SV2C: variants seen among roughly 807,000 people sequenced by gnomAD.
SV2C encodes solute carrier family 22 member B3.
In SV2C, 49 loss-of-function variants were observed where a neutral mutation model predicts 79.7. The observed-to-expected ratio is 0.61, with a 90% CI of 0.49 to 0.78. The LOEUF (loss-of-function observed/expected upper bound fraction) is 0.78, where lower values mean the gene tolerates loss of function less well. SV2C is among the 30% of genes least tolerant of loss of function. SV2C has a pLI of 0.00. For missense variants in SV2C, 833 were observed against 912.9 expected, an observed-to-expected ratio of 0.91 and a Z score of 1.13; for synonymous variants, 334 against 333.2, an observed-to-expected ratio of 1.00 and a Z score of -0.03.
chr5:76,070,497 A>G, the SV2C span, among the ~76,000 whole-genome samples: 1 of 152,194 alleles, frequency 6.6e-6, no homozygotes, highest in Non-Finnish European at 1.5e-5. Context: ...AAGTAAGAAT[A>G]CATAGCTCTG....
intron 1 of SV2C, among the ~76,000 whole-genome samples, chr5:76,129,874 G>A (rs1748822986): frequency 6.6e-6 from 1 of 152,176 alleles, no homozygotes; most frequent in Non-Finnish European, 1.5e-5. Flanking sequence ...GGAAGCAGCT[G>A]ATATGCAGTG....
intron 2 of SV2C, among the ~76,000 whole-genome samples, chr5:76,157,668 G>A (rs1742773774): frequency 6.6e-6 from 1 of 151,448 alleles, no homozygotes; most frequent in Admixed American, 6.6e-5. Context: ...TATTATATTG[G>A]GCTAAGAAAA....
intron 9 of SV2C, among the ~76,000 whole-genome samples, chr5:76,297,219 C>G (rs1747802959): frequency 1.3e-5 from 2 of 152,018 alleles, no homozygotes; most frequent in Non-Finnish European, 2.9e-5. Context: ...TTTGAAATAC[C>G]ATTAACGAAA....
chr5:76,043,313 C>T, the SV2C span, among the ~76,000 whole-genome samples: 3 of 152,158 alleles, frequency 2.0e-5, no homozygotes, highest in African/African-American at 7.2e-5. Context: ...TAACATATGG[C>T]TGAAGTACTT....
At chr5:76,279,237 A>G (rs557423467) in intron 4 of SV2C, among the ~76,000 whole-genome samples, 10 of 152,290 alleles carry the variant, frequency 6.6e-5, no homozygotes, top group African/African-American at 2.4e-4. Context: ...CTCTGTGAAG[A>G]TGTAAGTAGG....
At chr5:76,234,080 T>C (rs1049523167) in intron 4 of SV2C, among the ~76,000 whole-genome samples, 1 of 152,214 alleles carries the variant, frequency 6.6e-6, no homozygotes, top group African/African-American at 2.4e-5. Context: ...TGTTATTTGC[T>C]TAATATGTCA....
intron 1 of SV2C, among the ~76,000 whole-genome samples, chr5:76,115,724 T>G (rs1041107823): frequency 2.6e-5 from 4 of 152,188 alleles, no homozygotes; most frequent in African/African-American, 9.6e-5. Flanking sequence ...GAACTTCTTG[T>G]TTTTTGCTCC....
At chr5:76,003,580 CAAT>C in the SV2C span, among the ~76,000 whole-genome samples, 3 of 152,074 alleles carry the variant, frequency 2.0e-5, no homozygotes, top group Non-Finnish European at 4.4e-5. Flanking sequence ...GGCTCAGTAA[CAAT>C]AATGTCTTTT....
chr5:75,983,237 AAG>A, the SV2C span, among the ~76,000 whole-genome samples: 3 of 152,164 alleles, frequency 2.0e-5, no homozygotes, highest in African/African-American at 7.2e-5. Context: ...AGTTAAAAAA[AAG>A]AGGATCTGGT....
At chr5:76,253,395 G>A (rs1018412165) in intron 4 of SV2C, among the ~76,000 whole-genome samples, 5 of 152,106 alleles carry the variant, frequency 3.3e-5, no homozygotes, top group African/African-American at 9.7e-5. Context: ...GGGCTCAAGC[G>A]AAAATCTCCT....
the SV2C span, among the ~76,000 whole-genome samples, chr5:76,004,082 C>G: frequency 1.3e-5 from 2 of 152,092 alleles, no homozygotes; most frequent in Non-Finnish European, 1.5e-5. Context: ...AGCTCAGACT[C>G]AGGGACTCAA....
intron 1 of SV2C, among the ~76,000 whole-genome samples, chr5:76,103,005 T>C (rs1218687424): frequency 6.6e-6 from 1 of 152,202 alleles, no homozygotes; most frequent in East Asian, 1.9e-4. Flanking sequence ...CAAAGTGCTT[T>C]TTCTTACAGC....
At chr5:76,161,999 C>A (rs565327205) in intron 2 of SV2C, among the ~76,000 whole-genome samples, 34 of 152,154 alleles carry the variant, frequency 2.2e-4, no homozygotes, top group African/African-American at 5.1e-4. Flanking sequence ...CTGTAGCCTA[C>A]ATTTTCATGT....
the SV2C span, among the ~76,000 whole-genome samples, chr5:75,962,703 A>G: frequency 5.3e-5 from 8 of 152,094 alleles, no homozygotes; most frequent in African/African-American, 1.9e-4. Context: ...CATCCTCCCC[A>G]CTAGCATCAT....
the SV2C span, among the ~76,000 whole-genome samples, chr5:75,901,500 G>A: frequency 6.6e-6 from 1 of 152,294 alleles, no homozygotes; most frequent in African/African-American, 2.4e-5. Context: ...CCCCTACTGG[G>A]GGGTGCCTCC....
chr5:76,217,117 A>G (rs1049042403), intron 4 of SV2C, among the ~76,000 whole-genome samples: 2 of 152,208 alleles, frequency 1.3e-5, no homozygotes, highest in Non-Finnish European at 2.9e-5. Context: ...CCCCCAGAAT[A>G]GCCCCATGGC....
At chr5:76,241,366 T>A (rs1292196513) in intron 4 of SV2C, among the ~76,000 whole-genome samples, 12 of 151,992 alleles carry the variant, frequency 7.9e-5, no homozygotes, top group Non-Finnish European at 1.8e-4. Flanking sequence ...CCCAATGAAG[T>A]CTTCATCTGA....
At chr5:75,912,493 C>T in the SV2C span, among the ~76,000 whole-genome samples, 116 of 152,040 alleles carry the variant, frequency 7.6e-4, no homozygotes, top group South Asian at 9.2e-3. Flanking sequence ...TCTCAAAAAA[C>T]GAAAATAAAA....
intron 4 of SV2C, among the ~76,000 whole-genome samples, chr5:76,277,355 A>G (rs1233219912): frequency 6.6e-6 from 1 of 152,246 alleles, no homozygotes. Context: ...GTGTCCTTCA[A>G]CTGGTGAGTG....
Sources: allele counts gnomAD v4.1 joint callset (sites outside exome capture counted in the v4.1 genomes callset), GRCh38; gene constraint gnomAD v4.1.1; transcripts MANE v1.5; gene names NCBI Gene and HGNC (gene_info 2026-07-23, HGNC 2026-07-21).